The following CEP170 variants were observed in gnomAD, a reference collection of about 807,000 sequenced individuals.
CEP170 encodes the protein centrosomal protein of 170 kDa.
A neutral mutation model predicts 151.9 loss-of-function variants in CEP170; 21 were observed. The observed-to-expected ratio is 0.14, with a 90% CI of 0.10 to 0.20. The LOEUF (loss-of-function observed/expected upper bound fraction) is 0.20, where lower values mean the gene tolerates loss of function less well. Ranked by LOEUF, CEP170 falls within the 10% of genes least tolerant of loss-of-function variation. The pLI is 1.00. For missense variants in CEP170, 964 were observed against 1,892.9 expected (o/e 0.51, Z 9.11); for synonymous variants, 356 against 648.8 (o/e 0.55, Z 6.86).
chr1:243,167,440 G>C (rs1392009943), intron 12 of CEP170, among the ~76,000 whole-genome samples: 1 of 150,754 alleles, frequency 6.6e-6, no homozygotes, highest in Non-Finnish European at 1.5e-5. Flanking sequence ...TTTTTTTCAA[G>C]TAGAAGCCAA....
intron 10 of CEP170, among the ~76,000 whole-genome samples, chr1:243,178,137 T>G (rs994485345): frequency 1.2e-4 from 18 of 151,984 alleles, no homozygotes; most frequent in Non-Finnish European, 2.4e-4. Context: ...GAGACCAGCC[T>G]GGCCAACATG....
At chr1:243,243,457 T>G (rs2065054634) in intron 1 of CEP170, among the ~76,000 whole-genome samples, 2 of 152,118 alleles carry the variant, frequency 1.3e-5, no homozygotes, top group Admixed American at 6.6e-5. Flanking sequence ...AAATAGCTCT[T>G]TAGCTTAAAA....
At position 243,158,369 on chromosome 1, in the gene CEP170, T is replaced by C. The variant is rs186288483; in HGVS notation, c.3677-1914A>G. On this transcript the variant is annotated intron_variant, in intron 13 of 19. Coordinates refer to ENST00000366542, the MANE Select transcript of CEP170 (RefSeq NM_014812.3). ...GAGGCAACTATGGTCACTATACATATGATTGGAAACTAGAGAGAAAAGAAA... is the reference window on the plus strand; with the variant it reads ...GAGGCAACTATGGTCACTATACATACGATTGGAAACTAGAGAGAAAAGAAA... 2.6e-5 allele frequency among the ~76,000 whole-genome samples: 4 copies of C among 152,330 alleles called. No individual in the cohort carries two copies. The East Asian group carries it at 7.7e-4, about 29-fold the overall frequency.
At chr1:243,221,273 T>C (rs2062795013) in intron 3 of CEP170, among the ~76,000 whole-genome samples, 1 of 152,230 alleles carries the variant, frequency 6.6e-6, no homozygotes, top group South Asian at 2.1e-4. Context: ...TCCGCCCGCC[T>C]CGGCCTCCCA....
At chr1:243,209,660 A>G (rs545809614) in intron 4 of CEP170, among the ~76,000 whole-genome samples, 44 of 151,968 alleles carry the variant, frequency 2.9e-4, no homozygotes, top group African/African-American at 1.0e-3. Context: ...CGTATATAAT[A>G]TAATTTCTGC....
chr1:243,178,308 CAAAAA>C (rs869094317), intron 10 of CEP170, among the ~76,000 whole-genome samples: 7 of 30,422 alleles, frequency 2.3e-4, no homozygotes, highest in African/African-American at 9.8e-4. Flanking sequence ...GACTCTGCCT[CAAAAA>C]AAAAAAAAAA....
chr1:243,142,052 G>T (rs1360278175), intron 15 of CEP170, among the ~76,000 whole-genome samples: 1 of 152,210 alleles, frequency 6.6e-6, no homozygotes, highest in Non-Finnish European at 1.5e-5. Context: ...CATGTTTCAA[G>T]TGAAGCTATG....
intron 1 of CEP170, among the ~76,000 whole-genome samples, chr1:243,251,272 T>C (rs186007044): frequency 4.7e-4 from 72 of 152,272 alleles, no homozygotes; most frequent in Middle Eastern, 6.8e-3. Context: ...GGGTGATACA[T>C]TGTATGAGCT....
chr1:243,198,332 T>C (rs576116921), intron 7 of CEP170, among the ~76,000 whole-genome samples: 1 of 152,240 alleles, frequency 6.6e-6, no homozygotes, highest in Non-Finnish European at 1.5e-5. Flanking sequence ...ATCAGAAATA[T>C]CAAAAATGTG....
intron 12 of CEP170, 152 bp downstream of exon 12, chr1:243,169,476 T>C: frequency 1.4e-6 from 2 of 1,461,736 alleles, no homozygotes; most frequent in Non-Finnish European, 1.8e-6. Flanking sequence ...TATTTAGGTT[T>C]AACTTACTTC....
chr1:243,171,049 C>T (rs1307340892), intron 11 of CEP170, among the ~76,000 whole-genome samples: 3 of 152,102 alleles, frequency 2.0e-5, no homozygotes, highest in Non-Finnish European at 4.4e-5. Flanking sequence ...TTAGGTAATT[C>T]CTACAAAGGA....
At chr1:243,158,834 TGAG>T (rs1220581547) in intron 13 of CEP170, among the ~76,000 whole-genome samples, 3 of 151,996 alleles carry the variant, frequency 2.0e-5, no homozygotes, top group Admixed American at 6.6e-5. Flanking sequence ...TTTGGGAGGC[TGAG>T]GTGGGAGGAT....
intron 2 of CEP170, 97 bp from the exon 3 acceptor site, chr1:243,221,910 T>G: frequency 1.0e-6 from 1 of 980,000 alleles, no homozygotes; most frequent in Non-Finnish European, 1.5e-6. Flanking sequence ...GGACAGTAAA[T>G]ATAGGGAAAT....
intron 1 of CEP170, among the ~76,000 whole-genome samples, chr1:243,252,311 G>C (rs1223572516): frequency 6.6e-6 from 1 of 151,956 alleles, no homozygotes; most frequent in Non-Finnish European, 1.5e-5. Flanking sequence ...CCAGTGTTTG[G>C]GACAGATAAG....
At chr1:243,191,630 A>G (rs1169215822) in intron 7 of CEP170, 136 bp from the exon 8 acceptor site, 2 of 617,350 alleles carry the variant, frequency 3.2e-6, no homozygotes, top group East Asian at 5.5e-5. Flanking sequence ...AATGGCATTT[A>G]TATCACAGAA....
chr1:243,225,594 T>C (rs1185994769), intron 1 of CEP170, among the ~76,000 whole-genome samples: 1 of 152,202 alleles, frequency 6.6e-6, no homozygotes, highest in African/African-American at 2.4e-5. Context: ...TTCATACTTC[T>C]GAAAGCCTTT....
intron 13 of CEP170, among the ~76,000 whole-genome samples, chr1:243,159,763 TTGTG>T (rs565534328): frequency 0.01 from 1,276 of 127,144 alleles, 39 homozygotes; most frequent in East Asian, 0.047. Context: ...GTTTCCGGTT[TTGTG>T]TGTGTGTGTG....
At chr1:243,139,526 A>G (rs1213292558) in intron 16 of CEP170, among the ~76,000 whole-genome samples, 1 of 151,584 alleles carries the variant, frequency 6.6e-6, no homozygotes, top group Admixed American at 6.6e-5. Flanking sequence ...TTAATAAAGA[A>G]AAAGTCCTTA....
chr1:243,239,710 C>T (rs1200332237), intron 1 of CEP170, among the ~76,000 whole-genome samples: 1 of 152,174 alleles, frequency 6.6e-6, no homozygotes, highest in African/African-American at 2.4e-5. Context: ...CATAGAATTC[C>T]CAGCCTCTCA....
Sources: gnomAD v4.1 joint callset for allele counts (sites outside exome capture counted in the v4.1 genomes callset) on GRCh38, gnomAD v4.1.1 for gene constraint, MANE v1.5 for transcripts, NCBI Gene and HGNC (gene_info 2026-07-23, HGNC 2026-07-21) for gene names.